The following ALK variants were observed in gnomAD, a reference collection of about 807,000 sequenced individuals.
ALK encodes the protein ALK receptor tyrosine kinase.
In ALK, 74 loss-of-function variants were observed where a neutral mutation model predicts 163.1. That is an observed-to-expected ratio of 0.45 (90% CI 0.38 to 0.55). The LOEUF (loss-of-function observed/expected upper bound fraction) is 0.55, where lower values mean the gene tolerates loss of function less well. ALK is among the 20% of genes least tolerant of loss of function. The pLI is 0.00. For synonymous variants in ALK, 960 were observed against 843.2 expected (o/e 1.14, Z -2.40); for missense variants, 2,063 against 2,105.3 (o/e 0.98, Z 0.39).
intron 4 of ALK, among the ~76,000 whole-genome samples, chr2:29,448,782 T>C (rs1670750279): frequency 6.6e-6 from 1 of 152,126 alleles, no homozygotes; most frequent in Admixed American, 6.5e-5. Context: ...AGTCTCAAGG[T>C]TGGAAGAAAC....
chr2:29,445,450 G>A (rs1670648671), intron 4 of ALK, among the ~76,000 whole-genome samples: 1 of 152,218 alleles, frequency 6.6e-6, no homozygotes, highest in South Asian at 2.1e-4. Context: ...CTCTTCCAGA[G>A]CCAATAGGGG....
chr2:29,642,805 T>G (rs1676743081), intron 3 of ALK, among the ~76,000 whole-genome samples: 1 of 152,210 alleles, frequency 6.6e-6, no homozygotes. Flanking sequence ...TCCCAATCTC[T>G]TTCCATATTT....
At chr2:29,410,587 G>A (rs1270344368) in intron 4 of ALK, among the ~76,000 whole-genome samples, 1 of 152,194 alleles carries the variant, frequency 6.6e-6, no homozygotes, top group Non-Finnish European at 1.5e-5. Flanking sequence ...ATATAGTATG[G>A]CCTATTGCTC....
At chr2:29,706,979 G>A (rs1035690347) in intron 2 of ALK, among the ~76,000 whole-genome samples, 12 of 92,622 alleles carry the variant, frequency 1.3e-4, no homozygotes, top group African/African-American at 9.4e-4. Context: ...TGCAGAATGT[G>A]TGTGTGTGTG....
intron 1 of ALK, among the ~76,000 whole-genome samples, chr2:29,797,300 T>G (rs184086222): frequency 3.2e-4 from 49 of 152,332 alleles, no homozygotes; most frequent in Admixed American, 7.8e-4. Context: ...CATTTGCTCA[T>G]GCTATTTCCT....
At chr2:29,802,671 A>AT (rs1664514869) in intron 1 of ALK, among the ~76,000 whole-genome samples, 1 of 150,660 alleles carries the variant, frequency 6.6e-6, no homozygotes, top group African/African-American at 2.4e-5. Context: ...ATTATTCAGG[A>AT]TTTTTTCTCT....
chr2:29,474,708 CA>C lies in ALK; in HGVS notation c.1154+57206del, dbSNP rs1671459675. On this transcript the variant is annotated intron_variant, in intron 4 of 28. Coordinates refer to ENST00000389048, the MANE Select transcript of ALK (RefSeq NM_004304.5). ...GGATTCAGGAATATGCTGTGTTTCACAAGACAGAACTGCAGTACAGAAACGT... is the reference window on the plus strand; with the variant it reads ...GGATTCAGGAATATGCTGTGTTTCACAGACAGAACTGCAGTACAGAAACGT... 7.2e-5 allele frequency among the ~76,000 whole-genome samples: 11 copies of C among 152,292 alleles called. No individual in the cohort carries two copies. In the South Asian group the frequency reaches 2.3e-3, roughly 32 times the overall value.
intron 5 of ALK, among the ~76,000 whole-genome samples, chr2:29,343,453 A>G (rs1370724237): frequency 1.3e-5 from 2 of 151,630 alleles, no homozygotes; most frequent in African/African-American, 4.8e-5. Flanking sequence ...GGGCTCAAGC[A>G]ATCCTCCTGC....
intron 2 of ALK, among the ~76,000 whole-genome samples, chr2:29,706,547 T>G (rs1475002535): frequency 6.6e-6 from 1 of 152,200 alleles, no homozygotes; most frequent in African/African-American, 2.4e-5. Context: ...TCAAGACATC[T>G]GTTTAGCTCA....
At chr2:29,471,958 G>T (rs1671356404) in intron 4 of ALK, among the ~76,000 whole-genome samples, 1 of 152,158 alleles carries the variant, frequency 6.6e-6, no homozygotes, top group East Asian at 1.9e-4. Flanking sequence ...GGCCAGGCTG[G>T]CCTCAAACTC....
chr2:29,514,867 A>G (rs1328564590), intron 4 of ALK, among the ~76,000 whole-genome samples: 1 of 152,172 alleles, frequency 6.6e-6, no homozygotes, highest in African/African-American at 2.4e-5. Flanking sequence ...GTGGTGCTGC[A>G]AAGGTCTGGG....
intron 3 of ALK, among the ~76,000 whole-genome samples, chr2:29,669,140 T>G (rs1162612391): frequency 6.6e-6 from 1 of 152,008 alleles, no homozygotes; most frequent in Non-Finnish European, 1.5e-5. Context: ...GTTAACACTG[T>G]TATTTCTCTG....
chr2:29,489,870 AAG>A (rs1422692026), intron 4 of ALK, among the ~76,000 whole-genome samples: 1 of 152,226 alleles, frequency 6.6e-6, no homozygotes, highest in Non-Finnish European at 1.5e-5. Flanking sequence ...CTGCAAAAGA[AAG>A]AAGCATGTCA....
intron 11 of ALK, among the ~76,000 whole-genome samples, chr2:29,270,062 A>C (rs1027926267): frequency 6.6e-6 from 1 of 152,074 alleles, no homozygotes; most frequent in African/African-American, 2.4e-5. Flanking sequence ...AGACCTATTC[A>C]GTAATGAAAG....
intron 1 of ALK, among the ~76,000 whole-genome samples, chr2:29,854,594 C>T (rs986353577): frequency 6.6e-6 from 1 of 152,174 alleles, no homozygotes; most frequent in African/African-American, 2.4e-5. Context: ...GTTACCCAGC[C>T]TTGGGTCTTT....
At chr2:29,497,963 C>T (rs75142236) in intron 4 of ALK, among the ~76,000 whole-genome samples, 16,987 of 152,144 alleles carry the variant, frequency 0.11, 1,260 homozygotes, top group East Asian at 0.31. Flanking sequence ...AATACTATTA[C>T]TTATAATAAG....
chr2:29,367,150 ATCCAGTATG>A (rs1274789225), intron 5 of ALK, among the ~76,000 whole-genome samples: 3 of 152,168 alleles, frequency 2.0e-5, no homozygotes, highest in Non-Finnish European at 2.9e-5. Context: ...CAGTGTGTGC[ATCCAGTATG>A]TGCCAGGCTC....
chr2:29,555,697 A>T (rs1350507548), intron 3 of ALK, among the ~76,000 whole-genome samples: 1 of 152,210 alleles, frequency 6.6e-6, no homozygotes, highest in Non-Finnish European at 1.5e-5. Flanking sequence ...GAGCCTGAAG[A>T]TACAGCTGGT....
At position 29,906,799 on chromosome 2, in the gene ALK, G is replaced by C. The variant is rs188870022; in HGVS notation, c.667+13194C>G. On this transcript the variant is annotated intron_variant, in intron 1 of 28. Coordinates refer to ENST00000389048, the MANE Select transcript of ALK (RefSeq NM_004304.5). The stretch of plus-strand genomic sequence containing the variant: ...GTCTATGTCAAACTGTTCAATGGTA[G>C]CTGTTATCATTAAATTACAGAGGAA... Among the ~76,000 whole-genome samples the C allele has an allele frequency of 7.2e-5, 11 of 152,248 alleles. No individual in the cohort carries two copies. In the East Asian group the frequency reaches 1.9e-3, roughly 27 times the overall value.
Sources: allele counts gnomAD v4.1 joint callset (sites outside exome capture counted in the v4.1 genomes callset), GRCh38; gene constraint gnomAD v4.1.1; transcripts MANE v1.5; gene names NCBI Gene and HGNC (gene_info 2026-07-23, HGNC 2026-07-21).